SLC24A2: variants seen among roughly 807,000 people sequenced by gnomAD.
SLC24A2 encodes sodium/potassium/calcium exchanger 2.
A neutral mutation model predicts 62.0 loss-of-function variants in SLC24A2; 36 were observed. The observed-to-expected ratio is 0.58, with a 90% CI of 0.44 to 0.77. SLC24A2 has a LOEUF of 0.77. Ranked by LOEUF, SLC24A2 falls within the 30% of genes least tolerant of loss-of-function variation. SLC24A2 has a pLI of 0.00. For synonymous variants in SLC24A2, 358 were observed against 294.0 expected (o/e 1.22, Z -2.23); for missense variants, 846 against 817.9 (o/e 1.03, Z -0.42).
chr9:20,075,665 G>A, the SLC24A2 span, among the ~76,000 whole-genome samples: 1 of 148,860 alleles, frequency 6.7e-6, no homozygotes, highest in Non-Finnish European at 1.5e-5. Flanking sequence ...ATCTCTGTTT[G>A]TTAGCATTCT....
At chr9:19,961,690 T>C in the SLC24A2 span, among the ~76,000 whole-genome samples, 4 of 152,288 alleles carry the variant, frequency 2.6e-5, no homozygotes, top group East Asian at 7.7e-4. Flanking sequence ...ACTAATAGGA[T>C]AAAGTGGAAA....
the SLC24A2 span, among the ~76,000 whole-genome samples, chr9:19,920,943 C>T: frequency 6.6e-6 from 1 of 152,092 alleles, no homozygotes; most frequent in Admixed American, 6.5e-5. Context: ...TCTTGGCACT[C>T]AGTTCCCTCA....
At chr9:20,273,379 A>G in the SLC24A2 span, among the ~76,000 whole-genome samples, 1 of 151,996 alleles carries the variant, frequency 6.6e-6, no homozygotes, top group East Asian at 1.9e-4. Context: ...TCTTAACAAA[A>G]AGCATCCAAA....
chr9:19,708,731 C>A (rs1292908788), intron 2 of SLC24A2, among the ~76,000 whole-genome samples: 1 of 152,196 alleles, frequency 6.6e-6, no homozygotes, highest in East Asian at 1.9e-4. Context: ...GGATCCCTTC[C>A]TTACATCTTA....
At chr9:20,246,552 C>G in the SLC24A2 span, among the ~76,000 whole-genome samples, 12 of 152,282 alleles carry the variant, frequency 7.9e-5, no homozygotes, top group Middle Eastern at 3.4e-3. Context: ...ATAAATATAT[C>G]TCAGTCATTT....
the SLC24A2 span, among the ~76,000 whole-genome samples, chr9:19,964,982 G>C: frequency 6.6e-6 from 1 of 152,090 alleles, no homozygotes; most frequent in Non-Finnish European, 1.5e-5. Flanking sequence ...CTTCCCCATG[G>C]AGTTCAAGCT....
At chr9:19,690,925 G>GAGAGAGAGAGAGAGAC (rs1820027833) in intron 2 of SLC24A2, among the ~76,000 whole-genome samples, 1 of 151,798 alleles carries the variant, frequency 6.6e-6, no homozygotes, top group Non-Finnish European at 1.5e-5. Context: ...GTGTGAGAGA[G>GAGAGAGAGAGAGAGAC]AGAGAGAGAG....
chr9:20,025,119 G>C, the SLC24A2 span, among the ~76,000 whole-genome samples: 1 of 152,086 alleles, frequency 6.6e-6, no homozygotes, highest in African/African-American at 2.4e-5. Flanking sequence ...CTTAACCAAA[G>C]TTCACTTTGG....
the SLC24A2 span, among the ~76,000 whole-genome samples, chr9:19,937,054 G>A: frequency 6.6e-6 from 1 of 152,108 alleles, no homozygotes; most frequent in African/African-American, 2.4e-5. Context: ...GGAAAATATG[G>A]TAGGAACATA....
chr9:19,657,812 T>C (rs1179799272), intron 2 of SLC24A2, among the ~76,000 whole-genome samples: 1 of 152,122 alleles, frequency 6.6e-6, no homozygotes, highest in Non-Finnish European at 1.5e-5. Context: ...ACTGCAGACT[T>C]GGACTCCTGG....
Position 19,599,435 on chromosome 9 carries a change from C to T in SLC24A2, c.1079-2156G>A, listed in dbSNP as rs1333764257. Among the ~76,000 whole-genome samples the T allele has an allele frequency of 2.6e-5, 4 of 152,152 alleles. No homozygotes were observed. The highest frequency in any genetic ancestry group is 7.2e-5 in the African/African-American group (3 of 41,438). On this transcript the variant is annotated intron_variant, in intron 4 of 10. Coordinates refer to ENST00000341998, the MANE Select transcript of SLC24A2 (RefSeq NM_020344.4). The surrounding 1 kb of genome is among the most constrained non-coding windows in gnomAD (Gnocchi z 4.5). ...TGAATAACAGCAGGTGTTGTGGCAA[C>T]TCAAGGCGCACTGAGGAAGCAGTGG...
At chr9:20,044,071 C>A in the SLC24A2 span, among the ~76,000 whole-genome samples, 2 of 152,214 alleles carry the variant, frequency 1.3e-5, no homozygotes, top group East Asian at 3.9e-4. Flanking sequence ...GACCCTCTAC[C>A]AGCAAAAGAT....
intron 8 of SLC24A2, among the ~76,000 whole-genome samples, chr9:19,545,547 C>G (rs1271167846): frequency 1.3e-5 from 2 of 152,062 alleles, no homozygotes; most frequent in Admixed American, 1.3e-4. Context: ...GGGTTTCTCC[C>G]CATCTTAGTG....
chr9:19,558,087 G>C (rs972645142), intron 7 of SLC24A2, among the ~76,000 whole-genome samples: 1 of 152,166 alleles, frequency 6.6e-6, no homozygotes, highest in African/African-American at 2.4e-5. Context: ...ATGGGTGTGA[G>C]CTACTGTTCC....
At chr9:19,623,362 T>C (rs946488137) in intron 2 of SLC24A2, among the ~76,000 whole-genome samples, 1 of 152,162 alleles carries the variant, frequency 6.6e-6, no homozygotes, top group Non-Finnish European at 1.5e-5. Context: ...ATCACATACT[T>C]GGAGGAGAGT....
the SLC24A2 span, among the ~76,000 whole-genome samples, chr9:20,133,197 A>G: frequency 6.6e-6 from 1 of 152,052 alleles, no homozygotes. Flanking sequence ...CCAAAAGCCA[A>G]TTCCTTGTAA....
the SLC24A2 span, among the ~76,000 whole-genome samples, chr9:20,070,204 G>A: frequency 9.2e-5 from 14 of 152,124 alleles, no homozygotes; most frequent in Middle Eastern, 3.4e-3. Flanking sequence ...CTTGCTGGGT[G>A]TACAATTCCT....
At chr9:19,924,943 A>C in the SLC24A2 span, among the ~76,000 whole-genome samples, 1 of 152,238 alleles carries the variant, frequency 6.6e-6, no homozygotes, top group Non-Finnish European at 1.5e-5. Flanking sequence ...TTCTAGGCTC[A>C]GTACTCTTGA....
chr9:19,699,761 A>G (rs761335677), intron 2 of SLC24A2, among the ~76,000 whole-genome samples: 2 of 152,148 alleles, frequency 1.3e-5, no homozygotes, highest in Non-Finnish European at 1.5e-5. Context: ...ATGTTTTCCA[A>G]ATTTTCTGCA....
Sources: gnomAD v4.1 joint callset for allele counts (sites outside exome capture counted in the v4.1 genomes callset) on GRCh38, gnomAD v4.1.1 for gene constraint, Gnocchi (gnomAD v3.1) non-coding constraint, MANE v1.5 for transcripts, NCBI Gene and HGNC (gene_info 2026-07-23, HGNC 2026-07-21) for gene names.